SLC35F3: variants seen among roughly 807,000 people sequenced by gnomAD.
SLC35F3 encodes solute carrier family 35 member F3.
Under a neutral mutation model 49.9 loss-of-function variants are expected in SLC35F3, and 25 were observed. The observed-to-expected ratio is 0.50, with a 90% CI of 0.37 to 0.70. The LOEUF (loss-of-function observed/expected upper bound fraction) is 0.70, where lower values mean the gene tolerates loss of function less well. Ranked by LOEUF, SLC35F3 falls within the 30% of genes least tolerant of loss-of-function variation. The probability of loss-of-function intolerance (pLI) is 0.00; values close to 1 mark genes in which losing one functional copy is unlikely to be tolerated. For missense variants in SLC35F3, 525 were observed against 639.8 expected (o/e 0.82, Z 1.94); for synonymous variants, 275 against 265.4 (o/e 1.04, Z -0.35).
At chr1:234,059,621 CA>C (rs1664509348) in intron 2 of SLC35F3, among the ~76,000 whole-genome samples, 4 of 9,234 alleles carry the variant, frequency 4.3e-4, no homozygotes, top group African/African-American at 9.3e-4. Flanking sequence ...ATAGACTAGA[CA>C]TAGACATAGA....
At chr1:233,993,114 C>G (rs192852890) in intron 2 of SLC35F3, among the ~76,000 whole-genome samples, 1 of 152,284 alleles carries the variant, frequency 6.6e-6, no homozygotes, top group Admixed American at 6.5e-5. Context: ...GTACAATTAG[C>G]TGTCCACCGT....
intron 2 of SLC35F3, among the ~76,000 whole-genome samples, chr1:233,924,136 T>C (rs571597164): frequency 6.6e-6 from 1 of 152,360 alleles, no homozygotes; most frequent in East Asian, 1.9e-4. Flanking sequence ...CAGGCTTTGG[T>C]ATCAGGATGA....
chr1:233,995,837 C>T (rs1663450394), intron 2 of SLC35F3, among the ~76,000 whole-genome samples: 1 of 152,120 alleles, frequency 6.6e-6, no homozygotes, highest in Non-Finnish European at 1.5e-5. Flanking sequence ...GGGACCTGTG[C>T]CTACTGCTAA....
At chr1:234,212,246 G>A (rs1667055524) in intron 2 of SLC35F3, among the ~76,000 whole-genome samples, 2 of 152,196 alleles carry the variant, frequency 1.3e-5, no homozygotes, top group Admixed American at 1.3e-4. Context: ...GACTTGCCTA[G>A]TAGAACACGT....
Position 234,275,598 on chromosome 1 carries a change from GA to G in SLC35F3, c.609-33502del, listed in dbSNP as rs1209561617. 2.7e-5 allele frequency among the ~76,000 whole-genome samples: 4 copies of G among 150,476 alleles called. No individual in the cohort carries two copies. In the East Asian group the frequency reaches 6.6e-4, roughly 25 times the overall value. ...AGTTAGGTAGGTAGATAGACAGACA[GA>G]CAGACACACACACACACACAAACAT... On this transcript the variant is annotated intron_variant, in intron 3 of 7. Coordinates refer to ENST00000366618, the MANE Select transcript of SLC35F3 (RefSeq NM_173508.4).
chr1:233,948,220 GGAGAGA>G (rs1209151668), intron 2 of SLC35F3, among the ~76,000 whole-genome samples: 1 of 122,400 alleles, frequency 8.2e-6, no homozygotes, highest in South Asian at 2.9e-4. Context: ...AGGGAGAGAG[GGAGAGA>G]GGGAGAGAGA....
In SLC35F3 at chr1:234,214,162, A is replaced by C; in HGVS notation, c.284-17255A>C. ...TGCGGGGCTGGGCGTCCCGGGGAGGAGGGCGGAGCAGGTGAGCTGCGGGGT... is the reference window on the plus strand; with the variant it reads ...TGCGGGGCTGGGCGTCCCGGGGAGGCGGGCGGAGCAGGTGAGCTGCGGGGT... On this transcript the variant is annotated intron_variant, in intron 2 of 7. Transcript: ENST00000366618. This position sits in a 1 kb window ranked among gnomAD's most constrained non-coding sequence, Gnocchi z 8.0. The C allele has an allele frequency of 9.4e-7, 1 of 1,061,020 alleles. No individual in the cohort carries two copies. 65.7% of individuals were successfully genotyped at this position (1,061,020 alleles called of 1,614,324 possible). A position where few individuals can be genotyped will look rare whatever the true frequency, so the allele number is the denominator to read the frequency against.
rs1453154750 is a variant in SLC35F3 at position 234,212,269 on chromosome 1, A to G, written c.284-19148A>G. On this transcript the variant is annotated intron_variant, in intron 2 of 7. Coordinates refer to ENST00000366618, the MANE Select transcript of SLC35F3 (RefSeq NM_173508.4). ...TAGTAGAACACGTGTGTAGAGGCCAATGTGAAGTGCTGGAGGACATCCACA... is the reference window on the plus strand; with the variant it reads ...TAGTAGAACACGTGTGTAGAGGCCAGTGTGAAGTGCTGGAGGACATCCACA... 7.9e-5 allele frequency among the ~76,000 whole-genome samples: 12 copies of G among 152,186 alleles called. No homozygotes were observed. In the East Asian group the frequency reaches 2.1e-3, roughly 27 times the overall value.
intron 2 of SLC35F3, among the ~76,000 whole-genome samples, chr1:234,201,359 G>A (rs1429116995): frequency 2.6e-5 from 4 of 152,176 alleles, no homozygotes; most frequent in African/African-American, 9.6e-5. Context: ...ATATTTGATA[G>A]CTTCAACTAG....
chr1:234,039,814 C>T (rs1381082040), intron 2 of SLC35F3, among the ~76,000 whole-genome samples: 2 of 152,174 alleles, frequency 1.3e-5, no homozygotes, highest in South Asian at 2.1e-4. Flanking sequence ...GCACGCCCCG[C>T]GGCAGCATCC....
chr1:233,980,290 C>A (rs1241957519), intron 2 of SLC35F3, among the ~76,000 whole-genome samples: 34 of 152,320 alleles, frequency 2.2e-4, no homozygotes, highest in Non-Finnish European at 5.9e-5. Context: ...AGCAAGCAGC[C>A]TGGCTCTCAA....
chr1:234,221,897 C>T (rs1031982325), intron 2 of SLC35F3, among the ~76,000 whole-genome samples: 1 of 152,188 alleles, frequency 6.6e-6, no homozygotes, highest in Non-Finnish European at 1.5e-5. Context: ...TAAGAGTCTA[C>T]TAAGTAGCTT....
chr1:233,987,762 A>G (rs1039499670), intron 2 of SLC35F3, among the ~76,000 whole-genome samples: 1 of 152,030 alleles, frequency 6.6e-6, no homozygotes, highest in Admixed American at 6.6e-5. Context: ...CAGATGTTGG[A>G]CTTCCTAGAC....
At chr1:234,192,693 CCCTAAAGACTCCT>C (rs1483362897) in intron 2 of SLC35F3, among the ~76,000 whole-genome samples, 2 of 152,020 alleles carry the variant, frequency 1.3e-5, no homozygotes, top group Non-Finnish European at 2.9e-5. Flanking sequence ...ACCTAGAAAA[CCCTAAAGACTCCT>C]CCAAAAAGCT....
chr1:234,268,408 G>A (rs936303938), intron 3 of SLC35F3, among the ~76,000 whole-genome samples: 1 of 152,126 alleles, frequency 6.6e-6, no homozygotes, highest in African/African-American at 2.4e-5. Context: ...CAGCAGTACC[G>A]TCCAGCTTTG....
intron 2 of SLC35F3, among the ~76,000 whole-genome samples, chr1:233,921,447 C>G (rs905113849): frequency 3.9e-5 from 6 of 152,134 alleles, no homozygotes; most frequent in African/African-American, 1.4e-4. Context: ...GGCACACATT[C>G]TATGGCTTTC....
intron 2 of SLC35F3, among the ~76,000 whole-genome samples, chr1:234,076,242 C>G (rs979114852): frequency 1.3e-5 from 2 of 149,034 alleles, no homozygotes; most frequent in Non-Finnish European, 2.9e-5. Context: ...AACGTATTAT[C>G]AAGGTGACAG....
At chr1:234,147,230 C>CTTTTTTT (rs201359916) in intron 2 of SLC35F3, among the ~76,000 whole-genome samples, 19 of 125,078 alleles carry the variant, frequency 1.5e-4, no homozygotes, top group Non-Finnish European at 2.6e-4. Flanking sequence ...TTTCTATTTT[C>CTTTTTTT]TTTTTTTTTT....
At chr1:234,143,593 A>G (rs1665953465) in intron 2 of SLC35F3, among the ~76,000 whole-genome samples, 1 of 152,022 alleles carries the variant, frequency 6.6e-6, no homozygotes, top group Non-Finnish European at 1.5e-5. Context: ...CGCCCAGCCA[A>G]ATTTGACTCT....
Sources: gnomAD v4.1 joint callset for allele counts (sites outside exome capture counted in the v4.1 genomes callset) on GRCh38, gnomAD v4.1.1 for gene constraint, Gnocchi (gnomAD v3.1) non-coding constraint, MANE v1.5 for transcripts, NCBI Gene and HGNC (gene_info 2026-07-23, HGNC 2026-07-21) for gene names.